The following NLRX1 variants were observed in gnomAD, a reference collection of about 807,000 sequenced individuals.
NLRX1 encodes the protein NLR family member X1, also known as NOD-like receptor X1.
A neutral mutation model predicts 74.2 loss-of-function variants in NLRX1; 67 were observed. The observed-to-expected ratio is 0.90, with a 90% CI of 0.74 to 1.11. The LOEUF (loss-of-function observed/expected upper bound fraction) is 1.11. Among genes scored for constraint, NLRX1 ranks in the 50% least tolerant of loss-of-function variants. The pLI is 0.00. For synonymous variants in NLRX1, 506 were observed against 559.1 expected, an observed-to-expected ratio of 0.91 and a Z score of 1.34; for missense variants, 1,191 against 1,305.4, an observed-to-expected ratio of 0.91 and a Z score of 1.35.
intron 8 of NLRX1, 40 bp downstream of exon 8, chr11:119,181,297 A>C: frequency 6.6e-7 from 1 of 1,505,594 alleles, no homozygotes; most frequent in Non-Finnish European, 9.2e-7. Flanking sequence ...TGGCCAGCTA[A>C]GGTCAAGGGT....
At chr11:119,182,062 C>A in intron 8 of NLRX1, 32 bp from the exon 9 acceptor site, 4 of 1,605,106 alleles carry the variant, frequency 2.5e-6, no homozygotes, top group Non-Finnish European at 3.4e-6. Context: ...TCTCAATGAG[C>A]CCTCATAACC....
chr11:119,183,591 ATGTTTG>A lies in NLRX1; in HGVS notation c.*153_*158del. 2.6e-6 allele frequency: 2 copies of A among 777,712 alleles called. No individual in the cohort carries two copies. The highest frequency in any genetic ancestry group is 4.4e-6 in the Non-Finnish European group (2 of 453,524). 48.2% of individuals were successfully genotyped at this position (777,712 alleles called of 1,614,324 possible). A position where few individuals can be genotyped will look rare whatever the true frequency, so the allele number is the denominator to read the frequency against. On this transcript the variant is annotated 3_prime_UTR_variant, in exon 10 of 10. Transcript: ENST00000409109. The surrounding 1 kb of genome is among the most constrained non-coding windows in gnomAD (Gnocchi z 5.7). ...GCTGAGCCAGTTGCCCTCCTAGGGC[ATGTTTG>A]ACCAGGACTGAGTCTGGAATCTCCA...
rs777440395 is a variant in NLRX1 at position 119,174,546 on chromosome 11, A to G, written c.943A>G (p.Thr315Ala). The change falls in exon 6 of 10, where the codon ACC becomes GCC. Residue 315 changes from threonine to alanine, a missense_variant. Thr to Ala is a moderately conservative substitution (Grantham distance 58). Transcript: ENST00000409109. ...RYGEICGFSD[T>A]NLQKLYFQLR... Reference sequence around the variant, plus strand: ...TGGTGAGATCTGCGGTTTCTCTGATACCAACCTGCAGAAGCTCTACTTCCA... The same window carrying G: ...TGGTGAGATCTGCGGTTTCTCTGATGCCAACCTGCAGAAGCTCTACTTCCA... 1.2e-6 allele frequency: 2 copies of G among 1,614,170 alleles called. No homozygotes were observed. Among genetic ancestry groups the G allele is most frequent in the Non-Finnish European group, 1.7e-6 (2 of 1,180,034 alleles).
upstream of NLRX1, chr11:119,168,716 A>G (rs1277736611): frequency 6.6e-6 from 1 of 152,326 alleles, no homozygotes; most frequent in Non-Finnish European, 1.5e-5. Flanking sequence ...AGAGGGCAGT[A>G]CTAGCGGCAG....
At chr11:119,169,725 C>T (rs1198944738) in intron 1 of NLRX1, among the ~76,000 whole-genome samples, 1 of 152,144 alleles carries the variant, frequency 6.6e-6, no homozygotes, top group Admixed American at 6.5e-5. Context: ...AGTGGTGGCT[C>T]GCGCCTGCAG....
At position 119,173,379 on chromosome 11, in the gene NLRX1, G is replaced by A; in HGVS notation, c.230-100G>A. On this transcript the variant is annotated intron_variant, in intron 4 of 9. Transcript: ENST00000409109. The surrounding 1 kb of genome is among the most constrained non-coding windows in gnomAD (Gnocchi z 4.0). ...CACCATTGTGGGCCCCAGCATCTATGCCGTGATGTCCCAGCCTGACCTCAC... is the reference window on the plus strand; with the variant it reads ...CACCATTGTGGGCCCCAGCATCTATACCGTGATGTCCCAGCCTGACCTCAC... The A allele has an allele frequency of 7.8e-7, 1 of 1,287,012 alleles. No individual in the cohort carries two copies. Among genetic ancestry groups the A allele is most frequent in the Non-Finnish European group, 1.1e-6 (1 of 929,108 alleles). 79.7% of individuals were successfully genotyped at this position (1,287,012 alleles called of 1,614,324 possible).
chr11:119,179,409 G>A (rs1345858543), intron 6 of NLRX1, among the ~76,000 whole-genome samples: 4 of 152,140 alleles, frequency 2.6e-5, no homozygotes. Flanking sequence ...CCTAAGCTAG[G>A]GAGCCCAGAA....
chr11:119,173,155 T>C lies in NLRX1; in HGVS notation c.229+166T>C. Reference sequence around the variant, plus strand: ...TCCGTCTATGTATCCCTTCCTGCAATACTCTTGCAATGCACACTTATATGT... The same window carrying C: ...TCCGTCTATGTATCCCTTCCTGCAACACTCTTGCAATGCACACTTATATGT... On this transcript the variant is annotated intron_variant, in intron 4 of 9. Transcript: ENST00000409109. The surrounding 1 kb of genome is among the most constrained non-coding windows in gnomAD (Gnocchi z 4.0). The C allele has an allele frequency of 3.1e-6, 2 of 639,162 alleles. No individual in the cohort carries two copies. Among genetic ancestry groups the C allele is most frequent in the Non-Finnish European group, 5.6e-6 (2 of 358,556 alleles). The allele number at this position is 639,162 out of a possible 1,614,324, so 39.6% of individuals were successfully genotyped here.
intron 1 of NLRX1, among the ~76,000 whole-genome samples, chr11:119,170,769 G>GA (rs1948521352): frequency 1.3e-5 from 2 of 152,144 alleles, no homozygotes; most frequent in Non-Finnish European, 2.9e-5. Flanking sequence ...GGCCAAGAAG[G>GA]AAAAAGGACA....
At position 119,172,481 on chromosome 11, in the gene NLRX1, G is replaced by A; in HGVS notation, c.140+56G>A. On this transcript the variant is annotated intron_variant, in intron 3 of 9. Coordinates refer to ENST00000409109, the MANE Select transcript of NLRX1 (RefSeq NM_001282144.2). ...GTCTGGGCACAACAGAGCAGACTGG[G>A]AAGGGTCAGGACTTGGGGCTAGCTT... is the stretch of plus-strand genomic sequence containing the variant. 2.3e-6 allele frequency: 3 copies of A among 1,317,692 alleles called. No individual in the cohort carries two copies. The Admixed American group carries it at 5.0e-5, about 22-fold the overall frequency. 81.6% of individuals were successfully genotyped at this position (1,317,692 alleles called of 1,614,324 possible). A position where few individuals can be genotyped will look rare whatever the true frequency, so the allele number is the denominator to read the frequency against.
In NLRX1 at chr11:119,173,661, C is replaced by T. The variant is rs763373375; in HGVS notation, c.412C>T (p.Gln138Ter). Residue 138 changes from glutamine to a stop codon, truncating the protein, a stop_gained, in exon 5 of 10, where the codon CAG becomes TAG. Coordinates refer to ENST00000409109, the MANE Select transcript of NLRX1 (RefSeq NM_001282144.2). LOFTEE classifies it high-confidence loss of function. This position sits in a 1 kb window ranked among gnomAD's most constrained non-coding sequence, Gnocchi z 4.0. ...AELALEHQPP[Q>*]AGLPPLALSQ... is the part of the protein sequence containing the mutation. Reference sequence around the variant, plus strand: ...GCTGGCCCTGGAGCATCAGCCACCCCAGGCCGGGCTCCCCCCACTGGCCTT... The same window carrying T: ...GCTGGCCCTGGAGCATCAGCCACCCTAGGCCGGGCTCCCCCCACTGGCCTT... 3.1e-6 allele frequency: 5 copies of T among 1,613,992 alleles called. No homozygotes were observed. The highest frequency in any genetic ancestry group is 4.5e-5 in the East Asian group (2 of 44,894).
In NLRX1 at chr11:119,183,462, C is replaced by T. The variant is rs1415766982; in HGVS notation, c.*23C>T. On this transcript the variant is annotated 3_prime_UTR_variant, in exon 10 of 10. Transcript: ENST00000409109. The surrounding 1 kb of genome is among the most constrained non-coding windows in gnomAD (Gnocchi z 5.7). ...TGAGACACTGGCGGCAGGCACCTAG[C>T]TATGTGACCACTGGCCCTAAACCTT... 6.3e-7 allele frequency: 1 copy of T among 1,597,274 alleles called. No individual in the cohort carries two copies. The highest frequency in any genetic ancestry group is 8.5e-7 in the Non-Finnish European group (1 of 1,174,192).
In NLRX1 at chr11:119,172,930, T is replaced by A; in HGVS notation, c.170T>A (p.Val57Glu). The change falls in exon 4 of 10, where the codon GTA becomes GAA. Residue 57 changes from valine to glutamate, a missense_variant. Val to Glu is a moderately radical substitution (Grantham distance 121). Transcript: ENST00000409109. ...TTTATACGCCACCACGGAAGCTCGG[T>A]AGATAGCGCTCCCCCACCCGGGAGG... Reference protein sequence around the residue: ...RAFIRHHGSSVDSAPPPGRHG... With the variant: ...RAFIRHHGSSEDSAPPPGRHG... The A allele has an allele frequency of 6.2e-7, 1 of 1,613,878 alleles. No homozygotes were observed. The highest frequency in any genetic ancestry group is 1.1e-5 in the South Asian group (1 of 91,076).
At chr11:119,169,348 C>T (rs1380004955) in intron 1 of NLRX1, 46 bp downstream of exon 1, 2 of 152,590 alleles carry the variant, frequency 1.3e-5, no homozygotes, top group East Asian at 3.9e-4. Context: ...GCCCTGGAGA[C>T]CTGGGTGATC....
At position 119,174,087 on chromosome 11, in the gene NLRX1, A is replaced by G. The variant is rs748410839; in HGVS notation, c.838A>G (p.Met280Val). 3.1e-5 allele frequency: 50 copies of G among 1,613,656 alleles called. No individual in the cohort carries two copies. In the Admixed American group the frequency reaches 6.7e-4, roughly 22 times the overall value. Residue 280 changes from methionine (M) to valine (V), a missense_variant, in exon 5 of 10, where the codon ATG becomes GTG. Met to Val is a conservative substitution (Grantham distance 21). Transcript: ENST00000409109. ...CATCGTCAACCTGCTGCGCAAATAC[A>G]TGCTGCCTCAGGTGGGTGGCCCTTT... ...AIIVNLLRKY[M>V]LPQASILVTT...
At chr11:119,171,509 T>G in intron 2 of NLRX1, 36 bp downstream of exon 2, 1 of 1,520,890 alleles carries the variant, frequency 6.6e-7, no homozygotes, top group African/African-American at 1.4e-5. Flanking sequence ...TTTTACCTCT[T>G]TCTTGCTTTC....
intron 6 of NLRX1, among the ~76,000 whole-genome samples, chr11:119,176,790 A>G (rs1448811672): frequency 1.3e-5 from 2 of 152,248 alleles, no homozygotes; most frequent in African/African-American, 4.8e-5. Flanking sequence ...TTGGCCTCCC[A>G]AAGTGCTGGG....
At chr11:119,170,390 A>G (rs1948512246) in intron 1 of NLRX1, among the ~76,000 whole-genome samples, 2 of 152,154 alleles carry the variant, frequency 1.3e-5, no homozygotes, top group East Asian at 3.9e-4. Flanking sequence ...AAGGGAAGAA[A>G]GATTTGAAGA....
intron 1 of NLRX1, among the ~76,000 whole-genome samples, chr11:119,170,523 CATCT>C (rs1381966064): frequency 5.9e-5 from 9 of 152,122 alleles, no homozygotes; most frequent in Admixed American, 4.6e-4. Flanking sequence ...GCAGGTTGTC[CATCT>C]GGAGATGTCA....
Sources: gnomAD v4.1 joint callset for allele counts (sites outside exome capture counted in the v4.1 genomes callset) on GRCh38, gnomAD v4.1.1 for gene constraint, Gnocchi (gnomAD v3.1) non-coding constraint, MANE v1.5 for transcripts, NCBI Gene and HGNC (gene_info 2026-07-23, HGNC 2026-07-21) for gene names.